The following CROT variants were observed in gnomAD, a reference collection of about 807,000 sequenced individuals.
CROT encodes the protein peroxisomal carnitine O-octanoyltransferase.
A neutral mutation model predicts 89.2 loss-of-function variants in CROT; 84 were observed. The ratio of observed to expected loss-of-function variants is 0.94; its 90% confidence interval spans 0.79 to 1.13. The LOEUF is 1.13. CROT is among the 50% of genes most tolerant of loss of function. The probability of loss-of-function intolerance (pLI) is 0.00; values close to 1 mark genes in which losing one functional copy is unlikely to be tolerated. For missense variants in CROT, 711 were observed against 727.8 expected (o/e 0.98, Z 0.27); for synonymous variants, 212 against 239.5 (o/e 0.89, Z 1.06).
Position 87,392,926 on chromosome 7 carries a change from GTTC to G in CROT, c.1599-19_1599-17del. 6.2e-7 allele frequency: 1 copy of G among 1,612,898 alleles called. No homozygotes were observed. The highest frequency in any genetic ancestry group is 1.1e-5 in the South Asian group (1 of 90,812). ...TAAGCATCTGTAGGCCTAGTAAAAT[GTTC>G]TTTTATTGTGCCACACAGCGGAGGA... On this transcript the variant is annotated intron_variant, in intron 16 of 17. Transcript: ENST00000331536.
chr7:87,366,214 T>C (rs1015120790), intron 6 of CROT, among the ~76,000 whole-genome samples: 1 of 152,054 alleles, frequency 6.6e-6, no homozygotes, highest in African/African-American at 2.4e-5. Flanking sequence ...TTAAGCTTAC[T>C]ACTTCCCCTG....
rs2116261537 is a variant in CROT, at chr7:87,398,632, T to C, written c.1827T>C (p.Ser609=). Residue 609 remains serine, a synonymous_variant, in exon 18 of 18, where the codon TCT becomes TCC. Transcript: ENST00000331536. Reference sequence around the variant, plus strand: ...ATGATATGATACAGCTGATGAACTCTACTCATCTTTAGAGATGAATCATCT... The same window carrying C: ...ATGATATGATACAGCTGATGAACTCCACTCATCTTTAGAGATGAATCATCT... ...AFHDMIQLMN[S]THL 1 of 1,613,262 alleles carries C rather than the reference T, an allele frequency of 6.2e-7. No homozygotes were observed. Among genetic ancestry groups the C allele is most frequent in the South Asian group, 1.1e-5 (1 of 91,064 alleles).
intron 17 of CROT, among the ~76,000 whole-genome samples, chr7:87,397,919 T>G (rs1431502999): frequency 1.3e-5 from 2 of 152,202 alleles, no homozygotes; most frequent in Non-Finnish European, 2.9e-5. Flanking sequence ...AGTGGAAGAC[T>G]AGCTCTAAGT....
At chr7:87,392,118 A>G (rs1184263438) in intron 14 of CROT, among the ~76,000 whole-genome samples, 1 of 152,114 alleles carries the variant, frequency 6.6e-6, no homozygotes, top group African/African-American at 2.4e-5. Flanking sequence ...GCTTTGTTTC[A>G]TACTCTTTTT....
chr7:87,396,738 A>G (rs1323259855), intron 17 of CROT, among the ~76,000 whole-genome samples: 1 of 152,086 alleles, frequency 6.6e-6, no homozygotes, highest in East Asian at 1.9e-4. Context: ...GAACAAAGTT[A>G]TCTACATTTC....
intron 6 of CROT, among the ~76,000 whole-genome samples, chr7:87,363,238 GTTA>G (rs1238807251): frequency 1.3e-5 from 2 of 152,142 alleles, no homozygotes; most frequent in African/African-American, 4.8e-5. Context: ...AGCTGACATA[GTTA>G]TTATATTTTG....
At chr7:87,371,383 T>A (rs996856117) in intron 7 of CROT, among the ~76,000 whole-genome samples, 21 of 152,362 alleles carry the variant, frequency 1.4e-4, no homozygotes, top group Admixed American at 7.2e-4. Flanking sequence ...TCTTTTAAAC[T>A]ATTACATAGA....
intron 6 of CROT, among the ~76,000 whole-genome samples, chr7:87,362,378 C>T (rs1001903206): frequency 4.0e-5 from 6 of 150,500 alleles, no homozygotes; most frequent in Non-Finnish European, 7.4e-5. Context: ...CTCACTGCAA[C>T]CTCCACCTCC....
intron 13 of CROT, among the ~76,000 whole-genome samples, chr7:87,385,285 AG>A: frequency 6.6e-6 from 1 of 152,168 alleles, no homozygotes; most frequent in East Asian, 1.9e-4. Flanking sequence ...TGCTTTGGGT[AG>A]GATGGACATT....
At chr7:87,358,898 A>G (rs777461122) in intron 3 of CROT, among the ~76,000 whole-genome samples, 8 of 152,062 alleles carry the variant, frequency 5.3e-5, no homozygotes, top group Non-Finnish European at 1.2e-4. Flanking sequence ...CTTTATGTTA[A>G]TTTTTCCAGA....
chr7:87,398,006 G>A (rs2116254181), intron 17 of CROT, among the ~76,000 whole-genome samples: 1 of 151,906 alleles, frequency 6.6e-6, no homozygotes, highest in African/African-American at 2.4e-5. Flanking sequence ...CTTATTAGGA[G>A]TATCTCGAGA....
intron 10 of CROT, among the ~76,000 whole-genome samples, chr7:87,379,851 T>A (rs1014803554): frequency 6.6e-6 from 1 of 152,148 alleles, no homozygotes; most frequent in African/African-American, 2.4e-5. Context: ...TGGGAGCTCA[T>A]GCCTATAATC....
chr7:87,353,007 A>T lies in CROT; in HGVS notation c.115+3824A>T, dbSNP rs114835625. On this transcript the variant is annotated intron_variant, in intron 3 of 17. Transcript: ENST00000331536. ...CAGCTTGCTATCAGATACTGGCAGG[A>T]GTCAGTGCCTTCTTTAGATGAGCTA... 5.7e-3 allele frequency among the ~76,000 whole-genome samples: 871 copies of T among 152,276 alleles called. 6 individuals are homozygous for T. Among genetic ancestry groups the T allele is most frequent in the African/African-American group, 0.02 (833 of 41,564 alleles).
At chr7:87,350,846 G>A (rs1163186658) in intron 3 of CROT, among the ~76,000 whole-genome samples, 1 of 152,200 alleles carries the variant, frequency 6.6e-6, no homozygotes, top group Non-Finnish European at 1.5e-5. Context: ...TACTTTACCT[G>A]TCACCTGAAT....
rs182246520 is a variant in CROT at position 87,368,193 on chromosome 7, T to C, written c.548-1183T>C. ...TCTGCCTGAAACACTTCTGCGGGTATTTACATGGCGTACTTTCTCACTCCA... is the reference window on the plus strand; with the variant it reads ...TCTGCCTGAAACACTTCTGCGGGTACTTACATGGCGTACTTTCTCACTCCA... On this transcript the variant is annotated intron_variant, in intron 6 of 17. Transcript: ENST00000331536. Among the ~76,000 whole-genome samples, 103 of 152,336 alleles carry C rather than the reference T, an allele frequency of 6.8e-4. 1 individual carries two copies. The East Asian group carries it at 0.018, about 27-fold the overall frequency.
rs746374355 is a variant in CROT at position 87,369,490 on chromosome 7, C to G, written c.656+6C>G. On this transcript the variant is annotated splice_donor_region_variant and intron_variant, in intron 7 of 17. Coordinates refer to ENST00000331536, the MANE Select transcript of CROT (RefSeq NM_021151.4). ...ACCCCGCCAGAGCTTCTCAGGTTTT[C>G]AGACTACTTTCTTGAGTTTCATTAG... The G allele has an allele frequency of 6.3e-7, 1 of 1,594,178 alleles. No homozygotes were observed. Among genetic ancestry groups the G allele is most frequent in the South Asian group, 1.1e-5 (1 of 90,148 alleles).
chr7:87,346,655 G>C (rs893614798), intron 2 of CROT, among the ~76,000 whole-genome samples: 6 of 152,180 alleles, frequency 3.9e-5, no homozygotes, highest in Non-Finnish European at 7.3e-5. Context: ...CGGTTGGTGG[G>C]TTAAGCACTA....
rs1305342734 is a variant in CROT, at chr7:87,391,351, T to C, written c.1302-238T>C. Among the ~76,000 whole-genome samples the C allele has an allele frequency of 2.6e-5, 4 of 152,342 alleles. No individual in the cohort carries two copies. In the East Asian group the frequency reaches 7.7e-4, roughly 29 times the overall value. ...GGAGGCAGGAATCACGGGGGCCATCTTAGAGGCTGTAATGTATATGACCTG... is the reference window on the plus strand; with the variant it reads ...GGAGGCAGGAATCACGGGGGCCATCCTAGAGGCTGTAATGTATATGACCTG... On this transcript the variant is annotated intron_variant, in intron 13 of 17. Transcript: ENST00000331536.
chr7:87,352,684 A>G lies in CROT; in HGVS notation c.115+3501A>G, dbSNP rs112950102. The stretch of plus-strand genomic sequence containing the variant: ...CTCATGTGGTAGTCTCTGGGCCTGG[A>G]AGGACTAAATAGTTTCAAATTATAG... On this transcript the variant is annotated intron_variant, in intron 3 of 17. Transcript: ENST00000331536. Among the ~76,000 whole-genome samples, 1,120 of 152,318 alleles carry G rather than the reference A, an allele frequency of 7.4e-3. 12 individuals are homozygous for G. Among genetic ancestry groups the G allele is most frequent in the African/African-American group, 0.025 (1,051 of 41,558 alleles).
Sources: allele counts gnomAD v4.1 joint callset (sites outside exome capture counted in the v4.1 genomes callset), GRCh38; gene constraint gnomAD v4.1.1; transcripts MANE v1.5; gene names NCBI Gene and HGNC (gene_info 2026-07-23, HGNC 2026-07-21).